NOL4: variants seen among roughly 807,000 people sequenced by gnomAD.
NOL4 encodes the protein cancer/testis antigen 125.
Under a neutral mutation model 75.9 loss-of-function variants are expected in NOL4, and 17 were observed. That is an observed-to-expected ratio of 0.22 (90% CI 0.15 to 0.34). The LOEUF is 0.34. Ranked by LOEUF, NOL4 falls within the 10% of genes least tolerant of loss-of-function variation. The probability of loss-of-function intolerance (pLI) is 1.00; values close to 1 mark genes in which losing one functional copy is unlikely to be tolerated. For missense variants in NOL4, 614 were observed against 793.5 expected, an observed-to-expected ratio of 0.77 and a Z score of 2.72; for synonymous variants, 292 against 289.9, an observed-to-expected ratio of 1.01 and a Z score of -0.07.
intron 5 of NOL4, among the ~76,000 whole-genome samples, chr18:34,055,422 A>T (rs983753726): frequency 6.6e-6 from 1 of 152,106 alleles, no homozygotes; most frequent in African/African-American, 2.4e-5. Flanking sequence ...CACTTTGAAT[A>T]ATATTATCAC....
Position 33,853,024 on chromosome 18 carries a change from G to A in NOL4, c.1735C>T (p.Leu579Phe). 1 of 1,609,768 alleles carries A rather than the reference G, an allele frequency of 6.2e-7. No individual in the cohort carries two copies. The highest frequency in any genetic ancestry group is 1.1e-5 in the South Asian group (1 of 90,418). The change falls in exon 11 of 11, where the codon CTC becomes TTC. Residue 579 changes from leucine (L) to phenylalanine (F), a missense_variant. By Grantham distance (22) the Leu-to-Phe change is conservative. Around this residue, in one of 9 missense-constraint regions of NOL4, gnomAD observed 128 missense variants for 159.9 expected, o/e 0.80. Transcript: ENST00000261592. Reference sequence around the variant, plus strand: ...GTCGCCAATTGTCTCTTCATGCTGAGATCAGTGGGTCCTAGAAAGAAAATC... The same window carrying A: ...GTCGCCAATTGTCTCTTCATGCTGAAATCAGTGGGTCCTAGAAAGAAAATC... ...NDASSSGPTD[L>F]SMKRQLATSS...
At chr18:34,114,395 A>G (rs1490641287) in intron 2 of NOL4, among the ~76,000 whole-genome samples, 1 of 152,188 alleles carries the variant, frequency 6.6e-6, no homozygotes, top group East Asian at 1.9e-4. Flanking sequence ...CTCTTAACTA[A>G]GCACTAAAAA....
intron 2 of NOL4, among the ~76,000 whole-genome samples, chr18:34,124,824 T>C (rs1487725603): frequency 6.6e-6 from 1 of 151,974 alleles, no homozygotes; most frequent in South Asian, 2.1e-4. Context: ...GGAGAATCAC[T>C]TGAACTCGGG....
At chr18:34,108,518 A>T (rs2079424953) in intron 2 of NOL4, among the ~76,000 whole-genome samples, 1 of 152,196 alleles carries the variant, frequency 6.6e-6, no homozygotes, top group South Asian at 2.1e-4. Flanking sequence ...TCCCATGCAA[A>T]TGGTAACCAA....
At chr18:33,933,147 T>C (rs1272215109) in intron 9 of NOL4, among the ~76,000 whole-genome samples, 4 of 152,146 alleles carry the variant, frequency 2.6e-5, no homozygotes, top group Non-Finnish European at 4.4e-5. Context: ...CTACTGCATA[T>C]AAAATTTATG....
chr18:34,024,932 T>C (rs1019857173), intron 5 of NOL4, among the ~76,000 whole-genome samples: 1 of 152,158 alleles, frequency 6.6e-6, no homozygotes, highest in African/African-American at 2.4e-5. Context: ...ATTTCTCATA[T>C]AAGTGCTTAG....
At chr18:34,018,085 T>A (rs2074810264) in intron 6 of NOL4, among the ~76,000 whole-genome samples, 1 of 151,988 alleles carries the variant, frequency 6.6e-6, no homozygotes, top group African/African-American at 2.4e-5. Flanking sequence ...TAGAAAAAAA[T>A]TTAATAGACA....
chr18:33,919,004 G>T (rs1380903792), intron 9 of NOL4, among the ~76,000 whole-genome samples: 1 of 151,938 alleles, frequency 6.6e-6, no homozygotes, highest in African/African-American at 2.4e-5. Flanking sequence ...ATAAATAAAT[G>T]ATTAAATAAA....
At chr18:33,881,401 T>G (rs1239131728) in intron 10 of NOL4, among the ~76,000 whole-genome samples, 2 of 150,128 alleles carry the variant, frequency 1.3e-5, no homozygotes, top group African/African-American at 4.9e-5. Flanking sequence ...TCCAACACTA[T>G]GTTGAATAGG....
At chr18:33,919,671 C>T (rs1284854772) in intron 9 of NOL4, among the ~76,000 whole-genome samples, 1 of 152,148 alleles carries the variant, frequency 6.6e-6, no homozygotes. Flanking sequence ...AGAAGCAGCT[C>T]CTTAGTAACT....
At chr18:34,167,663 A>C (rs1352270107) in intron 1 of NOL4, among the ~76,000 whole-genome samples, 1 of 151,982 alleles carries the variant, frequency 6.6e-6, no homozygotes, top group Non-Finnish European at 1.5e-5. Context: ...ATCTTCAAGG[A>C]CCCCAAAATT....
chr18:33,896,394 C>T (rs1454621776), intron 9 of NOL4, among the ~76,000 whole-genome samples: 3 of 152,042 alleles, frequency 2.0e-5, no homozygotes. Context: ...TACTACAAGG[C>T]TACAGTAACC....
intron 6 of NOL4, among the ~76,000 whole-genome samples, chr18:33,999,078 T>G (rs2073498978): frequency 6.6e-6 from 1 of 152,058 alleles, no homozygotes; most frequent in Admixed American, 6.6e-5. Context: ...ATTTTTATGA[T>G]GTCTAAATTC....
chr18:33,997,379 G>A (rs1047477274), intron 6 of NOL4, among the ~76,000 whole-genome samples: 1 of 151,762 alleles, frequency 6.6e-6, no homozygotes, highest in African/African-American at 2.4e-5. Context: ...AAAGATGGTT[G>A]TAGGTGTGTG....
At chr18:33,972,971 C>G (rs1173380929) in intron 6 of NOL4, among the ~76,000 whole-genome samples, 1 of 152,154 alleles carries the variant, frequency 6.6e-6, no homozygotes, top group Non-Finnish European at 1.5e-5. Flanking sequence ...TGAAATAACA[C>G]AACAATGAAG....
intron 5 of NOL4, among the ~76,000 whole-genome samples, chr18:34,087,133 T>C (rs1275113976): frequency 6.6e-6 from 1 of 152,130 alleles, no homozygotes; most frequent in East Asian, 1.9e-4. Flanking sequence ...CTGGTTCCCA[T>C]ACTTACATCC....
At chr18:34,001,941 G>C (rs1446717797) in intron 6 of NOL4, 1 of 152,162 alleles carries the variant, frequency 6.6e-6, no homozygotes, top group Non-Finnish European at 1.5e-5. Context: ...GACTAGGAGA[G>C]GCAATTATCT....
intron 5 of NOL4, among the ~76,000 whole-genome samples, chr18:34,053,233 A>G (rs571055033): frequency 1.6e-4 from 25 of 152,138 alleles, no homozygotes; most frequent in African/African-American, 6.0e-4. Flanking sequence ...CCACCATTCT[A>G]TGGATTTGCC....
chr18:34,001,254 G>T (rs1307015653), intron 6 of NOL4, among the ~76,000 whole-genome samples: 2 of 152,096 alleles, frequency 1.3e-5, no homozygotes, highest in African/African-American at 2.4e-5. Flanking sequence ...ACTGAGATTA[G>T]CATGCATTCC....
Sources: gnomAD v4.1 joint callset for allele counts (sites outside exome capture counted in the v4.1 genomes callset) on GRCh38, gnomAD v4.1.1 for gene constraint, gnomAD v4.1.1 regional missense constraint, MANE v1.5 for transcripts, NCBI Gene and HGNC (gene_info 2026-07-23, HGNC 2026-07-21) for gene names.